Variants in RPS6KC1 observed in about 807,000 individuals in gnomAD.
The protein encoded by RPS6KC1 is ribosomal protein S6 kinase C1, also known as inactive ribosomal protein S6 kinase delta-1.
Under a neutral mutation model 103.8 loss-of-function variants are expected in RPS6KC1, and 54 were observed. That is an observed-to-expected ratio of 0.52 (90% CI 0.42 to 0.65). The LOEUF (loss-of-function observed/expected upper bound fraction) is 0.65, where lower values mean the gene tolerates loss of function less well. Ranked by LOEUF, RPS6KC1 falls within the 30% of genes least tolerant of loss-of-function variation. The probability of loss-of-function intolerance (pLI) is 0.00; values close to 1 mark genes in which losing one functional copy is unlikely to be tolerated. For missense variants in RPS6KC1, 1,151 were observed against 1,253.8 expected (o/e 0.92, Z 1.24); for synonymous variants, 439 against 438.7 (o/e 1.00, Z -0.01).
chr1:213,245,733 G>C (rs1280006737), intron 12 of RPS6KC1, among the ~76,000 whole-genome samples: 1 of 152,030 alleles, frequency 6.6e-6, no homozygotes, highest in Non-Finnish European at 1.5e-5. Flanking sequence ...CCATTATTCT[G>C]CTCTATAAAT....
chr1:213,118,068 C>T (rs1238914810), intron 5 of RPS6KC1, among the ~76,000 whole-genome samples: 2 of 116,208 alleles, frequency 1.7e-5, no homozygotes, highest in East Asian at 4.9e-4. Context: ...GCGCATCTGA[C>T]TTTTAGAGAA....
chr1:213,823,846 T>A, the RPS6KC1 span, among the ~76,000 whole-genome samples: 1 of 152,116 alleles, frequency 6.6e-6, no homozygotes, highest in Non-Finnish European at 1.5e-5. Context: ...TTTTTACATA[T>A]ATTATCTCAT....
At chr1:213,168,120 C>T (rs1337110082) in intron 7 of RPS6KC1, 147 bp downstream of exon 7, 3 of 536,576 alleles carry the variant, frequency 5.6e-6, no homozygotes, top group African/African-American at 1.9e-5. Context: ...GAAAGAAATG[C>T]ATTATAGCAA....
chr1:213,109,735 G>T (rs900520641), intron 4 of RPS6KC1, among the ~76,000 whole-genome samples: 1 of 152,006 alleles, frequency 6.6e-6, no homozygotes, highest in Non-Finnish European at 1.5e-5. Context: ...TGGCTATTAT[G>T]AATGGTGCTG....
chr1:213,516,010 CTCAT>C, the RPS6KC1 span, among the ~76,000 whole-genome samples: 1 of 152,166 alleles, frequency 6.6e-6, no homozygotes, highest in African/African-American at 2.4e-5. Context: ...TGGGATTTCA[CTCAT>C]GATTTGGCTC....
intron 12 of RPS6KC1, among the ~76,000 whole-genome samples, chr1:213,247,698 G>A (rs2094475072): frequency 6.6e-6 from 1 of 152,122 alleles, no homozygotes; most frequent in Non-Finnish European, 1.5e-5. Context: ...CAGTTTAACA[G>A]TAGTAAAATA....
At chr1:213,120,670 A>G (rs2084278037) in intron 5 of RPS6KC1, among the ~76,000 whole-genome samples, 1 of 152,190 alleles carries the variant, frequency 6.6e-6, no homozygotes, top group Non-Finnish European at 1.5e-5. Context: ...AAACTTCTCT[A>G]AATGTACTAT....
the RPS6KC1 span, among the ~76,000 whole-genome samples, chr1:213,290,193 G>A: frequency 6.6e-6 from 1 of 151,340 alleles, no homozygotes; most frequent in South Asian, 2.1e-4. Context: ...TGCCTCAATG[G>A]GCATTTTCCT....
chr1:213,553,350 A>G, the RPS6KC1 span, among the ~76,000 whole-genome samples: 1 of 152,090 alleles, frequency 6.6e-6, no homozygotes, highest in Non-Finnish European at 1.5e-5. Flanking sequence ...TTCATTCTTT[A>G]TGGCTGCATA....
At chr1:213,727,407 G>A in the RPS6KC1 span, among the ~76,000 whole-genome samples, 4 of 152,190 alleles carry the variant, frequency 2.6e-5, no homozygotes, top group South Asian at 2.1e-4. Context: ...TTAAACATCA[G>A]TTACAGCTTA....
At chr1:213,827,740 G>A in the RPS6KC1 span, among the ~76,000 whole-genome samples, 1 of 152,154 alleles carries the variant, frequency 6.6e-6, no homozygotes, top group Non-Finnish European at 1.5e-5. Flanking sequence ...CATCAGGGAT[G>A]AGCCAGCTAC....
chr1:213,418,482 C>G, the RPS6KC1 span, among the ~76,000 whole-genome samples: 1 of 152,274 alleles, frequency 6.6e-6, no homozygotes, highest in African/African-American at 2.4e-5. Context: ...TGGGCGGCAG[C>G]TGACTCTGGG....
the RPS6KC1 span, among the ~76,000 whole-genome samples, chr1:213,604,664 G>A: frequency 6.6e-6 from 1 of 152,292 alleles, no homozygotes. Context: ...GACCTGCCAT[G>A]TGGGCTGCCG....
the RPS6KC1 span, among the ~76,000 whole-genome samples, chr1:213,631,378 CAAAA>C: frequency 1.5e-5 from 2 of 137,062 alleles, no homozygotes; most frequent in Non-Finnish European, 1.6e-5. Flanking sequence ...CTTTCTATGC[CAAAA>C]AAAAAAAAAA....
chr1:213,795,205 A>G, the RPS6KC1 span, among the ~76,000 whole-genome samples: 1 of 152,184 alleles, frequency 6.6e-6, no homozygotes, highest in Admixed American at 6.5e-5. Context: ...GTTGATCACA[A>G]TATTTGCATA....
In RPS6KC1 at chr1:213,148,542, G is replaced by A. The variant is rs373805088; in HGVS notation, c.835+18653G>A. ...AGGGGTAAATCCCCCTGGTCATGATGTGTGATCTTTACAATGTATTGTTGA... is the reference window on the plus strand; with the variant it reads ...AGGGGTAAATCCCCCTGGTCATGATATGTGATCTTTACAATGTATTGTTGA... On this transcript the variant is annotated intron_variant, in intron 6 of 14. Transcript: ENST00000366960. Among the ~76,000 whole-genome samples, 34 of 152,274 alleles carry A rather than the reference G, an allele frequency of 2.2e-4. 1 individual carries two copies. The East Asian group carries it at 6.0e-3, about 27-fold the overall frequency.
At chr1:213,268,816 A>G (rs1573734184) in intron 14 of RPS6KC1, among the ~76,000 whole-genome samples, 1 of 151,872 alleles carries the variant, frequency 6.6e-6, no homozygotes, top group East Asian at 1.9e-4. Flanking sequence ...GATAAGATGC[A>G]TATTGTAGGG....
chr1:213,684,513 A>G, the RPS6KC1 span, among the ~76,000 whole-genome samples: 48 of 152,216 alleles, frequency 3.2e-4, 1 homozygote, highest in South Asian at 7.3e-3. Flanking sequence ...TTTTGCCTGC[A>G]CCTGTCCAGC....
the RPS6KC1 span, among the ~76,000 whole-genome samples, chr1:213,473,451 G>T: frequency 4.6e-5 from 7 of 152,218 alleles, no homozygotes; most frequent in Admixed American, 2.6e-4. Flanking sequence ...CCAATGTGAG[G>T]GGGGTGAGAT....
Sources: gnomAD v4.1 joint callset for allele counts (sites outside exome capture counted in the v4.1 genomes callset) on GRCh38, gnomAD v4.1.1 for gene constraint, MANE v1.5 for transcripts, NCBI Gene and HGNC (gene_info 2026-07-23, HGNC 2026-07-21) for gene names.